Variants in LSAMP observed in about 807,000 individuals in gnomAD.
The protein encoded by LSAMP is limbic system-associated membrane protein.
In LSAMP, 7 loss-of-function variants were observed where a neutral mutation model predicts 38.6. The ratio of observed to expected loss-of-function variants is 0.18; its 90% CI spans 0.10 to 0.34. LSAMP has a LOEUF of 0.34. Among genes scored for constraint, LSAMP ranks in the 10% least tolerant of loss-of-function variants. The pLI, the probability that LSAMP is intolerant of heterozygous loss-of-function variation, is 1.00. For missense variants in LSAMP, 313 were observed against 420.0 expected, an observed-to-expected ratio of 0.75 and a Z score of 2.23; for synonymous variants, 154 against 166.8, an observed-to-expected ratio of 0.92 and a Z score of 0.59.
intron 3 of LSAMP, among the ~76,000 whole-genome samples, chr3:115,979,145 G>T (rs945445439): frequency 3.3e-5 from 5 of 151,762 alleles, no homozygotes; most frequent in African/African-American, 1.2e-4. Flanking sequence ...TTTTTTAAAA[G>T]GAGTGCACAG....
chr3:116,158,985 A>G (rs915457871), intron 1 of LSAMP, among the ~76,000 whole-genome samples: 5 of 152,202 alleles, frequency 3.3e-5, no homozygotes, highest in African/African-American at 1.2e-4. Context: ...TCTTCGACAA[A>G]GTCAACAAAA....
At chr3:115,869,128 A>G (rs189810479) in intron 3 of LSAMP, among the ~76,000 whole-genome samples, 7 of 152,264 alleles carry the variant, frequency 4.6e-5, no homozygotes, top group Admixed American at 1.3e-4. Flanking sequence ...TAAAAAATTC[A>G]GAAGTATAGT....
chr3:116,284,689 G>A (rs1389237767), intron 1 of LSAMP, among the ~76,000 whole-genome samples: 1 of 152,144 alleles, frequency 6.6e-6, no homozygotes, highest in African/African-American at 2.4e-5. Context: ...CTGTCATCCT[G>A]CTGTATATAA....
At chr3:116,231,205 T>C (rs534128805) in intron 1 of LSAMP, among the ~76,000 whole-genome samples, 1 of 152,352 alleles carries the variant, frequency 6.6e-6, no homozygotes, top group South Asian at 2.1e-4. Context: ...TTAGATCTGA[T>C]GCCTGATTTT....
At chr3:115,904,134 A>G (rs931596046) in intron 3 of LSAMP, among the ~76,000 whole-genome samples, 1 of 152,142 alleles carries the variant, frequency 6.6e-6, no homozygotes, top group Non-Finnish European at 1.5e-5. Context: ...GCAACAAATA[A>G]AGATAGGAAT....
intron 3 of LSAMP, among the ~76,000 whole-genome samples, chr3:115,930,864 G>A (rs888901927): frequency 2.0e-4 from 31 of 151,960 alleles, no homozygotes; most frequent in African/African-American, 7.3e-4. Flanking sequence ...GTCTTCCTTG[G>A]GATGAGGATC....
At chr3:116,335,487 A>G (rs1196042131) in intron 1 of LSAMP, among the ~76,000 whole-genome samples, 2 of 152,116 alleles carry the variant, frequency 1.3e-5, no homozygotes, top group African/African-American at 4.8e-5. Context: ...ACAGTAATCA[A>G]GAGTGTGGCA....
At chr3:116,032,702 T>C (rs1940954470) in intron 2 of LSAMP, among the ~76,000 whole-genome samples, 1 of 151,598 alleles carries the variant, frequency 6.6e-6, no homozygotes, top group Non-Finnish European at 1.5e-5. Flanking sequence ...CTTCAGGAGG[T>C]TGAGGTGGGA....
At chr3:116,168,250 A>T (rs1710108975) in intron 1 of LSAMP, among the ~76,000 whole-genome samples, 2 of 152,110 alleles carry the variant, frequency 1.3e-5, no homozygotes, top group African/African-American at 2.4e-5. Flanking sequence ...TGACCAATGG[A>T]TCTGTCAGGT....
At chr3:116,277,218 T>C (rs550379127) in intron 1 of LSAMP, among the ~76,000 whole-genome samples, 1 of 152,324 alleles carries the variant, frequency 6.6e-6, no homozygotes, top group East Asian at 1.9e-4. Context: ...TGGGCTGATA[T>C]TACCTAATTA....
intron 1 of LSAMP, among the ~76,000 whole-genome samples, chr3:116,293,128 A>T (rs989758931): frequency 6.6e-6 from 1 of 152,180 alleles, no homozygotes; most frequent in African/African-American, 2.4e-5. Flanking sequence ...GTGAGATAAG[A>T]ACATCTCTTT....
intron 1 of LSAMP, among the ~76,000 whole-genome samples, chr3:116,125,048 C>T (rs901037197): frequency 6.6e-6 from 1 of 152,028 alleles, no homozygotes; most frequent in African/African-American, 2.4e-5. Context: ...TTCTTTATTT[C>T]CCAGGGACCT....
At chr3:116,218,166 T>C (rs564682374) in intron 1 of LSAMP, among the ~76,000 whole-genome samples, 1 of 152,114 alleles carries the variant, frequency 6.6e-6, no homozygotes, top group Non-Finnish European at 1.5e-5. Flanking sequence ...CATGCTGTAA[T>C]TTTCCAAGAA....
intron 1 of LSAMP, among the ~76,000 whole-genome samples, chr3:116,200,714 G>C (rs1474502030): frequency 6.6e-6 from 1 of 152,186 alleles, no homozygotes; most frequent in Non-Finnish European, 1.5e-5. Context: ...GTGTTCATTT[G>C]TTCTAAATTT....
At chr3:115,818,124 C>T (rs1430569475) in intron 6 of LSAMP, among the ~76,000 whole-genome samples, 1 of 152,168 alleles carries the variant, frequency 6.6e-6, no homozygotes. Context: ...CATTATTCCA[C>T]AATACCCCTT....
intron 1 of LSAMP, among the ~76,000 whole-genome samples, chr3:116,121,249 T>C (rs1262629853): frequency 1.3e-5 from 2 of 152,202 alleles, no homozygotes; most frequent in Admixed American, 6.5e-5. Context: ...GAGCAGGAGA[T>C]AAGCATGCTA....
intron 1 of LSAMP, among the ~76,000 whole-genome samples, chr3:116,231,256 A>C (rs1232975322): frequency 6.6e-6 from 1 of 152,184 alleles, no homozygotes; most frequent in African/African-American, 2.4e-5. Context: ...GGTTCTTTAC[A>C]TAGGACACAG....
chr3:115,820,174 C>T (rs531995037), intron 6 of LSAMP, among the ~76,000 whole-genome samples: 43 of 152,196 alleles, frequency 2.8e-4, no homozygotes, highest in Admixed American at 4.6e-4. Context: ...GTTCGTGAAT[C>T]GAACTGCATT....
chr3:116,346,643 A>C (rs575421149), intron 1 of LSAMP, among the ~76,000 whole-genome samples: 1 of 152,298 alleles, frequency 6.6e-6, no homozygotes, highest in East Asian at 1.9e-4. Flanking sequence ...TTTTAGAAGT[A>C]AAACAGTTGC....
Sources: allele counts gnomAD v4.1 joint callset (sites outside exome capture counted in the v4.1 genomes callset), GRCh38; gene constraint gnomAD v4.1.1; transcripts MANE v1.5; gene names NCBI Gene and HGNC (gene_info 2026-07-23, HGNC 2026-07-21).